The following TLK2 variants were observed in gnomAD, a reference collection of about 807,000 sequenced individuals.
TLK2 encodes tousled like kinase 2.
TLK2 carries 6 observed loss-of-function variants against 117.3 expected under a neutral mutation model. The ratio of observed to expected loss-of-function variants is 0.05; its 90% CI spans 0.03 to 0.10. The LOEUF (loss-of-function observed/expected upper bound fraction) is 0.10, where lower values mean the gene tolerates loss of function less well. TLK2 is among the 10% of genes least tolerant of loss of function. The pLI is 1.00. For synonymous variants in TLK2, 257 were observed against 316.7 expected, an observed-to-expected ratio of 0.81 and a Z score of 2.00; for missense variants, 299 against 901.2, an observed-to-expected ratio of 0.33 and a Z score of 8.56.
At chr17:62,531,344 AT>A in intron 6 of TLK2, among the ~76,000 whole-genome samples, 1 of 151,884 alleles carries the variant, frequency 6.6e-6, no homozygotes, top group South Asian at 2.1e-4. Context: ...ATCCTGTTTT[AT>A]TGTTTCTAAT....
intron 7 of TLK2, among the ~76,000 whole-genome samples, chr17:62,538,257 G>A (rs1287334299): frequency 6.6e-6 from 1 of 151,746 alleles, no homozygotes; most frequent in Admixed American, 6.6e-5. Context: ...GGATGGTCTC[G>A]ATCTCCTGAC....
intron 20 of TLK2, among the ~76,000 whole-genome samples, chr17:62,607,585 C>T (rs2083408637): frequency 6.6e-6 from 1 of 152,092 alleles, no homozygotes. Flanking sequence ...TAAGTAACCC[C>T]AACTCTTTCT....
intron 16 of TLK2, among the ~76,000 whole-genome samples, chr17:62,588,184 C>T (rs914980653): frequency 2.6e-5 from 4 of 151,682 alleles, no homozygotes; most frequent in Non-Finnish European, 4.4e-5. Context: ...TATACATATA[C>T]GTCTCCTGTG....
rs2084025017 is a variant in TLK2, at chr17:62,614,980, T to C, written c.*2415T>C. The C allele has an allele frequency of 6.6e-6, 1 of 152,212 alleles. No individual in the cohort carries two copies. Among genetic ancestry groups the C allele is most frequent in the Admixed American group, 6.5e-5 (1 of 15,286 alleles). 9.4% of individuals were successfully genotyped at this position (152,212 alleles called of 1,614,324 possible). ...TGTTTTTTAATTTTTTAACATTTTTTTAACGTTGAAAAAATGCTGCGTCTT... is the reference window on the plus strand; with the variant it reads ...TGTTTTTTAATTTTTTAACATTTTTCTAACGTTGAAAAAATGCTGCGTCTT... On this transcript the variant is annotated 3_prime_UTR_variant, in exon 22 of 22. Transcript: ENST00000346027.
chr17:62,560,489 G>A (rs1049458321), intron 10 of TLK2, among the ~76,000 whole-genome samples: 2 of 151,886 alleles, frequency 1.3e-5, no homozygotes, highest in Admixed American at 1.3e-4. Flanking sequence ...TTCAGAGATG[G>A]CATTTAGAAT....
chr17:62,489,967 A>T (rs2072932243), intron 2 of TLK2, among the ~76,000 whole-genome samples: 1 of 152,100 alleles, frequency 6.6e-6, no homozygotes, highest in Non-Finnish European at 1.5e-5. Context: ...AGTAGCTGGA[A>T]TTACAGGCGC....
At chr17:62,564,704 T>C (rs1000846391) in intron 10 of TLK2, among the ~76,000 whole-genome samples, 1 of 150,936 alleles carries the variant, frequency 6.6e-6, no homozygotes, top group Non-Finnish European at 1.5e-5. Flanking sequence ...CAAGACTCTG[T>C]CTTAAAAAAA....
intron 16 of TLK2, among the ~76,000 whole-genome samples, chr17:62,586,665 C>G (rs2081629652): frequency 6.6e-6 from 1 of 151,834 alleles, no homozygotes. Context: ...ACTAAAAATA[C>G]AAAAAATTAG....
At chr17:62,499,758 T>C (rs1203256989) in intron 2 of TLK2, among the ~76,000 whole-genome samples, 1 of 151,200 alleles carries the variant, frequency 6.6e-6, no homozygotes, top group Non-Finnish European at 1.5e-5. Context: ...GGCTGAGGCA[T>C]GAGAATTGCT....
intron 2 of TLK2, among the ~76,000 whole-genome samples, chr17:62,502,028 A>ATTTTTTTTTTTTTTTT (rs746988825): frequency 2.2e-5 from 3 of 134,246 alleles, no homozygotes; most frequent in Admixed American, 7.7e-5. Flanking sequence ...AAAAAATACC[A>ATTTTTTTTTTTTTTTT]ATTTTTTTTT....
intron 2 of TLK2, chr17:62,508,557 C>CTGAGGA (rs1567815935): frequency 1.0e-6 from 1 of 985,000 alleles, no homozygotes; most frequent in Non-Finnish European, 1.2e-6. Flanking sequence ...ACAAAAGGTA[C>CTGAGGA]TGAGGACTTA....
intron 11 of TLK2, chr17:62,572,722 G>A (rs2080410578): frequency 6.6e-6 from 1 of 152,670 alleles, no homozygotes; most frequent in Non-Finnish European, 1.5e-5. Flanking sequence ...CTAGAATAAA[G>A]GATAGGTCTA....
chr17:62,481,937 G>GT (rs1322199848), intron 2 of TLK2, among the ~76,000 whole-genome samples: 4 of 152,090 alleles, frequency 2.6e-5, no homozygotes, highest in East Asian at 1.9e-4. Flanking sequence ...ATGTGTGAAC[G>GT]TATGAGCTAC....
rs142031230 is a variant in TLK2 at position 62,510,773 on chromosome 17, A to G, written c.82-10000A>G. Among the ~76,000 whole-genome samples, 665 of 152,254 alleles carry G rather than the reference A, an allele frequency of 4.4e-3. 5 individuals are homozygous for G. The highest frequency in any genetic ancestry group is 0.015 in the African/African-American group (633 of 41,552). On this transcript the variant is annotated intron_variant, in intron 2 of 21. Transcript: ENST00000346027. ...TGGATTTACGCTTCTATCTCCAAAT[A>G]CACTAAAGTACTGGAGATTAGGGCT... is the stretch of plus-strand genomic sequence containing the variant.
chr17:62,602,064 T>C lies in TLK2; in HGVS notation c.1743T>C (p.Gly581=), dbSNP rs772962581. 1 of 1,612,388 alleles carries C rather than the reference T, an allele frequency of 6.2e-7. No homozygotes were observed. The highest frequency in any genetic ancestry group is 8.5e-7 in the Non-Finnish European group (1 of 1,179,584). The change falls in exon 19 of 22, where the codon GGT becomes GGC. Residue 581 remains glycine, a synonymous_variant. Coordinates refer to ENST00000346027, the MANE Select transcript of TLK2 (RefSeq NM_006852.6). ...LKPGNILLVN[G]TACGEIKITD... ...TAGGTAATATTCTTTTAGTAAATGG[T>C]ACAGCGTGTGGAGAGATAAAAATTA...
chr17:62,524,207 A>G (rs1330425408), intron 5 of TLK2, 29 bp from the exon 6 acceptor site: 1 of 1,613,252 alleles, frequency 6.2e-7, no homozygotes, highest in Admixed American at 1.7e-5. Flanking sequence ...GTTTTGAATT[A>G]TTCATATCGG....
intron 2 of TLK2, among the ~76,000 whole-genome samples, chr17:62,491,864 G>A (rs1397578864): frequency 2.0e-5 from 3 of 152,316 alleles, no homozygotes; most frequent in African/African-American, 7.2e-5. Context: ...GATTACAGGC[G>A]TGAGCCCTCA....
intron 2 of TLK2, among the ~76,000 whole-genome samples, chr17:62,502,088 T>TA (rs1409507707): frequency 6.7e-6 from 1 of 149,518 alleles, no homozygotes; most frequent in African/African-American, 2.5e-5. Flanking sequence ...ATTACCTTGA[T>TA]ACCAAACCAG....
At chr17:62,579,254 A>G (rs1270514990) in intron 14 of TLK2, among the ~76,000 whole-genome samples, 1 of 152,180 alleles carries the variant, frequency 6.6e-6, no homozygotes, top group East Asian at 1.9e-4. Flanking sequence ...TCTGTGTATC[A>G]GGCTTGGTCC....
Sources: gnomAD v4.1 joint callset for allele counts (sites outside exome capture counted in the v4.1 genomes callset) on GRCh38, gnomAD v4.1.1 for gene constraint, MANE v1.5 for transcripts, NCBI Gene and HGNC (gene_info 2026-07-23, HGNC 2026-07-21) for gene names.